The following PTPRN2 variants were observed in gnomAD, a reference collection of about 807,000 sequenced individuals.
PTPRN2 encodes receptor-type tyrosine-protein phosphatase N2.
Under a neutral mutation model 118.8 loss-of-function variants are expected in PTPRN2, and 74 were observed. That is an observed-to-expected ratio of 0.62 (90% CI 0.52 to 0.76). The LOEUF (loss-of-function observed/expected upper bound fraction) is 0.76. Ranked by LOEUF, PTPRN2 falls within the 30% of genes least tolerant of loss-of-function variation. The pLI, the probability that PTPRN2 is intolerant of heterozygous loss-of-function variation, is 0.00. For missense variants in PTPRN2, 1,481 were observed against 1,394.4 expected (o/e 1.06, Z -0.99); for synonymous variants, 641 against 608.0 (o/e 1.05, Z -0.80).
intron 3 of PTPRN2, among the ~76,000 whole-genome samples, chr7:158,283,721 A>C (rs1242489563): frequency 6.6e-6 from 1 of 152,130 alleles, no homozygotes; most frequent in Admixed American, 6.5e-5. Flanking sequence ...GGTGATCAGC[A>C]GTGCCGTGGC....
intron 6 of PTPRN2, among the ~76,000 whole-genome samples, chr7:158,143,147 C>T (rs1819544325): frequency 6.6e-6 from 1 of 152,152 alleles, no homozygotes; most frequent in African/African-American, 2.4e-5. Context: ...GTCCACAGGT[C>T]CAATGCTGGC....
At chr7:158,051,490 G>T (rs1451286120) in intron 11 of PTPRN2, among the ~76,000 whole-genome samples, 1 of 152,228 alleles carries the variant, frequency 6.6e-6, no homozygotes, top group Non-Finnish European at 1.5e-5. Context: ...GGTGCACCAA[G>T]GTTCCTGGCT....
chr7:158,322,059 G>C (rs972210055), intron 2 of PTPRN2, among the ~76,000 whole-genome samples: 2 of 152,156 alleles, frequency 1.3e-5, no homozygotes, highest in Admixed American at 6.5e-5. Context: ...CATCAACGAG[G>C]CTCATCATCT....
intron 12 of PTPRN2, among the ~76,000 whole-genome samples, chr7:157,804,447 G>A (rs539324678): frequency 1.3e-5 from 2 of 152,230 alleles, no homozygotes; most frequent in East Asian, 3.9e-4. Flanking sequence ...GTCTGTGCAC[G>A]GAGCTTCCAT....
intron 6 of PTPRN2, among the ~76,000 whole-genome samples, chr7:158,155,566 T>TGCCATCACCAAC (rs1821672782): frequency 2.6e-4 from 2 of 7,624 alleles, no homozygotes; most frequent in African/African-American, 6.2e-4. Flanking sequence ...TCATCATCAT[T>TGCCATCACCAAC]GCCATCATCA....
At chr7:157,838,474 C>T (rs79006178) in intron 12 of PTPRN2, among the ~76,000 whole-genome samples, 7 of 60,034 alleles carry the variant, frequency 1.2e-4, no homozygotes, top group South Asian at 1.0e-3. Flanking sequence ...GTGGATGGCA[C>T]GGGAGAAAGC....
Position 158,517,862 on chromosome 7 carries a change from C to A in PTPRN2, c.113-28077G>T, listed in dbSNP as rs994129021. On this transcript the variant is annotated intron_variant, in intron 1 of 22. Transcript: ENST00000389418. This position sits in a 1 kb window ranked among gnomAD's most constrained non-coding sequence, Gnocchi z 5.3. ...CACACCCCGGTTTGTTCCCACCAGG[C>A]CTTCACTAACATGCCACTGCAGAAA... 2.6e-5 allele frequency among the ~76,000 whole-genome samples: 4 copies of A among 152,150 alleles called. No homozygotes were observed. The highest frequency in any genetic ancestry group is 7.2e-5 in the African/African-American group (3 of 41,422).
intron 12 of PTPRN2, among the ~76,000 whole-genome samples, chr7:157,829,592 G>A (rs1291638937): frequency 1.5e-4 from 23 of 152,256 alleles, no homozygotes; most frequent in Non-Finnish European, 2.9e-5. Context: ...CTGAGGACGA[G>A]GATGTTGGTG....
At position 157,764,866 on chromosome 7, in the gene PTPRN2, A is replaced by ATCCATCCT. The variant is rs540884729; in HGVS notation, c.1789-81937_1789-81930dup. 9.2e-5 allele frequency among the ~76,000 whole-genome samples: 14 copies of ATCCATCCT among 151,890 alleles called. No homozygotes were observed. The South Asian group carries it at 1.0e-3, about 11-fold the overall frequency. On this transcript the variant is annotated intron_variant, in intron 12 of 22. Transcript: ENST00000389418. The surrounding 1 kb of genome is among the most constrained non-coding windows in gnomAD (Gnocchi z 4.5). ...TCATCCATCCATCCATCAAGCACTC[A>ATCCATCCT]TCCATCCTTCCATCCTTCATCCACC... is the stretch of plus-strand genomic sequence containing the variant.
intron 12 of PTPRN2, among the ~76,000 whole-genome samples, chr7:157,744,261 G>T (rs932809708): frequency 1.3e-5 from 2 of 152,138 alleles, no homozygotes; most frequent in Non-Finnish European, 2.9e-5. Flanking sequence ...GGGTCAGCTG[G>T]CCTCAACGGG....
intron 9 of PTPRN2, among the ~76,000 whole-genome samples, chr7:158,124,959 C>T (rs372542384): frequency 1.6e-4 from 25 of 152,200 alleles, no homozygotes; most frequent in East Asian, 7.7e-4. Context: ...CCCCGCAGTG[C>T]GGAGGCAAGA....
At chr7:158,516,009 C>G (rs781059380) in intron 1 of PTPRN2, among the ~76,000 whole-genome samples, 1 of 152,190 alleles carries the variant, frequency 6.6e-6, no homozygotes, top group Non-Finnish European at 1.5e-5. Context: ...GTCCCCCTCC[C>G]CACCTACCAT....
intron 11 of PTPRN2, among the ~76,000 whole-genome samples, chr7:157,958,652 C>T (rs1419825329): frequency 3.3e-5 from 5 of 152,108 alleles, no homozygotes. Context: ...AAAGCAATTC[C>T]ATGTACAATA....
Position 157,813,541 on chromosome 7 carries a change from G to C in PTPRN2, c.1788+85132C>G, listed in dbSNP as rs1367845774. On this transcript the variant is annotated intron_variant, in intron 12 of 22. Transcript: ENST00000389418. The surrounding 1 kb of genome is among the most constrained non-coding windows in gnomAD (Gnocchi z 4.7). ...TGTACAAAATGTGGTGATCCTACTC[G>C]TATAAAAAAGAAAGTTCAAATGCGC... Among the ~76,000 whole-genome samples the C allele has an allele frequency of 6.6e-6, 1 of 152,160 alleles. No homozygotes were observed.
At position 158,575,156 on chromosome 7, in the gene PTPRN2, G is replaced by A. The variant is rs571872073; in HGVS notation, c.112+12402C>T. Among the ~76,000 whole-genome samples the A allele has an allele frequency of 5.9e-5, 9 of 152,238 alleles. No homozygotes were observed. In the South Asian group the frequency reaches 1.2e-3, roughly 21 times the overall value. The stretch of plus-strand genomic sequence containing the variant: ...AAATGAGGCTTTGATTTTGGAGTTC[G>A]TACTTATTTTATCTACAATCTTTGT... On this transcript the variant is annotated intron_variant, in intron 1 of 22. Coordinates refer to ENST00000389418, the MANE Select transcript of PTPRN2 (RefSeq NM_002847.5).
At chr7:158,024,653 G>C (rs1036878071) in intron 11 of PTPRN2, among the ~76,000 whole-genome samples, 1 of 152,188 alleles carries the variant, frequency 6.6e-6, no homozygotes, top group Non-Finnish European at 1.5e-5. Context: ...GGGCTGATCT[G>C]TGGGGCAGAA....
chr7:158,371,160 A>G (rs998599003), intron 2 of PTPRN2, among the ~76,000 whole-genome samples: 1 of 152,204 alleles, frequency 6.6e-6, no homozygotes, highest in Admixed American at 6.5e-5. Flanking sequence ...CAGTGTGGAC[A>G]AGGATAACAC....
At position 158,130,448 on chromosome 7, in the gene PTPRN2, A is replaced by G. The variant is rs535352602; in HGVS notation, c.1556+3229T>C. Among the ~76,000 whole-genome samples, 14 of 77,320 alleles carry G rather than the reference A, an allele frequency of 1.8e-4. 1 individual carries two copies. The Admixed American group carries it at 2.2e-3, about 12-fold the overall frequency. The allele number at this position is 77,320 out of a possible 152,430, so 50.7% of individuals were successfully genotyped here. ...CACACACACACGTACATACAGATAC[A>G]CATCTACCCAACACACTCATATACA... On this transcript the variant is annotated intron_variant, in intron 9 of 22. Coordinates refer to ENST00000389418, the MANE Select transcript of PTPRN2 (RefSeq NM_002847.5).
rs1005929696 is a variant in PTPRN2 at position 157,944,748 on chromosome 7, C to A, written c.1724-46011G>T. ...TCCACGTGCATGGATGAGAGCTGTG[C>A]CCCTCTCTTCTCTAAGCCAAGGGGC... On this transcript the variant is annotated intron_variant, in intron 11 of 22. Coordinates refer to ENST00000389418, the MANE Select transcript of PTPRN2 (RefSeq NM_002847.5). The surrounding 1 kb of genome is among the most constrained non-coding windows in gnomAD (Gnocchi z 4.3). 2.6e-5 allele frequency among the ~76,000 whole-genome samples: 4 copies of A among 152,190 alleles called. No individual in the cohort carries two copies. The East Asian group carries it at 7.7e-4, about 29-fold the overall frequency.
Sources: allele counts gnomAD v4.1 joint callset (sites outside exome capture counted in the v4.1 genomes callset), GRCh38; gene constraint gnomAD v4.1.1; non-coding constraint Gnocchi (gnomAD v3.1); transcripts MANE v1.5; gene names NCBI Gene and HGNC (gene_info 2026-07-23, HGNC 2026-07-21).